Variants in ZNF541 observed in about 807,000 individuals in gnomAD.
The protein encoded by ZNF541 is zinc finger protein 541.
A neutral mutation model predicts 123.5 loss-of-function variants in ZNF541; 23 were observed. The observed-to-expected ratio is 0.19, with a 90% CI of 0.13 to 0.26. The LOEUF (loss-of-function observed/expected upper bound fraction) is 0.26, where lower values mean the gene tolerates loss of function less well. Among genes scored for constraint, ZNF541 ranks in the 10% least tolerant of loss-of-function variants. The pLI is 1.00. For missense variants in ZNF541, 1,612 were observed against 1,789.9 expected (o/e 0.90, Z 1.79); for synonymous variants, 751 against 754.5 (o/e 1.00, Z 0.08).
At chr19:47,531,598 C>A in intron 12 of ZNF541, 44 bp downstream of exon 12, 1 of 1,473,286 alleles carries the variant, frequency 6.8e-7, no homozygotes, top group South Asian at 1.3e-5. Context: ...ACCTAGAACC[C>A]TGGGCCCCAG....
chr19:47,551,169 A>G (rs895583843), intron 3 of ZNF541, among the ~76,000 whole-genome samples: 4 of 150,570 alleles, frequency 2.7e-5, no homozygotes, highest in Admixed American at 1.3e-4. Context: ...CCTCTGCAGT[A>G]GCTGGGACTA....
At chr19:47,558,342 G>A (rs1010917947) in intron 2 of ZNF541, among the ~76,000 whole-genome samples, 12 of 151,932 alleles carry the variant, frequency 7.9e-5, no homozygotes, top group African/African-American at 2.7e-4. Flanking sequence ...TATGAACCCA[G>A]GAGGCGGAGC....
At chr19:47,522,036 G>A (rs1258882122) in intron 14 of ZNF541, 42 bp from the exon 15 acceptor site, 1 of 1,548,834 alleles carries the variant, frequency 6.5e-7, no homozygotes, top group African/African-American at 1.4e-5. Flanking sequence ...TGCCACGCGG[G>A]CCCTGGGAGT....
rs577132750 is a variant in ZNF541, at chr19:47,561,231, T to C, written c.-98-5277A>G. Among the ~76,000 whole-genome samples, 15 of 152,254 alleles carry C rather than the reference T, an allele frequency of 9.9e-5. No individual in the cohort carries two copies. In the South Asian group the frequency reaches 3.1e-3, roughly 32 times the overall value. ...GCTCACACCTGTAATCCCAGCACTT[T>C]GGCCCAGGAGTTTGACAAAGTCAGA... On this transcript the variant is annotated intron_variant, in intron 2 of 16. Coordinates refer to ENST00000391901, the MANE Select transcript of ZNF541 (RefSeq NM_001277075.3).
chr19:47,573,192 C>A (rs868357665), upstream of ZNF541, among the ~76,000 whole-genome samples: 108 of 150,266 alleles, frequency 7.2e-4, no homozygotes, highest in African/African-American at 2.3e-3. Context: ...CCCGGCCCAC[C>A]CCCGGATCTC....
intron 8 of ZNF541, 62 bp from the exon 9 acceptor site, chr19:47,538,501 A>G: frequency 7.2e-7 from 1 of 1,398,532 alleles, no homozygotes; most frequent in South Asian, 1.5e-5. Context: ...CTCCATCTCC[A>G]GGATGGAAAG....
At position 47,545,927 on chromosome 19, in the gene ZNF541, T is replaced by A; in HGVS notation, c.602A>T (p.Gln201Leu). ...GTCGCAGTAGCTCTTGCTGCAGCCC[T>A]GCTCGATGCACACGAAGGGCTTTGT... Reference protein sequence around the residue: ...QKTKPFVCIEQGCSKSYCDYR... With the variant: ...QKTKPFVCIELGCSKSYCDYR... Residue 201 changes from glutamine to leucine, a missense_variant, in exon 5 of 17, where the codon CAG (glutamine) becomes CTG (leucine). Around this residue, in one of 5 missense-constraint regions of ZNF541, gnomAD observed 212 missense variants for 289.6 expected, o/e 0.73. Transcript: ENST00000391901. The surrounding 1 kb of genome is among the most constrained non-coding windows in gnomAD (Gnocchi z 7.5). 1.3e-6 allele frequency: 2 copies of A among 1,525,552 alleles called. No homozygotes were observed. Among genetic ancestry groups the A allele is most frequent in the Non-Finnish European group, 1.8e-6 (2 of 1,131,890 alleles). 94.5% of individuals were successfully genotyped at this position (1,525,552 alleles called of 1,614,324 possible). A position where few individuals can be genotyped will look rare whatever the true frequency, so the allele number is the denominator to read the frequency against.
chr19:47,523,592 G>A (rs974591066), intron 14 of ZNF541, among the ~76,000 whole-genome samples: 7 of 152,054 alleles, frequency 4.6e-5, no homozygotes, highest in African/African-American at 1.4e-4. Context: ...TTACCCTCTC[G>A]TCCAAAACAA....
intron 2 of ZNF541, among the ~76,000 whole-genome samples, chr19:47,561,469 T>C (rs866462401): frequency 2.6e-5 from 4 of 151,812 alleles, no homozygotes; most frequent in African/African-American, 4.8e-5. Context: ...ATTAAAAAAA[T>C]TAAAAAATCC....
chr19:47,548,495 T>C (rs1379300918), intron 4 of ZNF541, among the ~76,000 whole-genome samples: 6 of 151,472 alleles, frequency 4.0e-5, no homozygotes, highest in African/African-American at 1.5e-4. Context: ...TAATTCTCCA[T>C]TGCCATGTTC....
chr19:47,540,517 G>C (rs978628604), intron 6 of ZNF541, among the ~76,000 whole-genome samples, 182 bp from the exon 7 acceptor site: 4 of 150,346 alleles, frequency 2.7e-5, no homozygotes, highest in African/African-American at 9.8e-5. Flanking sequence ...TCGGCTCACT[G>C]TAACCTCCAC....
In ZNF541 at chr19:47,545,915, TTGC is replaced by T. The variant is rs1304650570; in HGVS notation, c.611_613del (p.Ser204del). On this transcript the variant is annotated inframe_deletion, in exon 5 of 17. Transcript: ENST00000391901. The surrounding 1 kb of genome is among the most constrained non-coding windows in gnomAD (Gnocchi z 7.5). Reference sequence around the variant, plus strand: ...CAGAGAGCGGTAGTCGCAGTAGCTCTTGCTGCAGCCCTGCTCGATGCACACGAA... The same window carrying T: ...CAGAGAGCGGTAGTCGCAGTAGCTCTTGCAGCCCTGCTCGATGCACACGAA... 1.3e-6 allele frequency: 2 copies of T among 1,542,102 alleles called. No individual in the cohort carries two copies. Among genetic ancestry groups the T allele is most frequent in the Non-Finnish European group, 1.8e-6 (2 of 1,141,804 alleles).
chr19:47,555,579 G>C lies in ZNF541; in HGVS notation c.278C>G (p.Ala93Gly). ...TAAGGATGCCTGAGACTCCGAATCT[G>C]CGTACTCCTCCAGCAGCTTCACAGA... ...SDSVKLLEEYADSESQASLQD... is the reference protein window; with the variant it reads ...SDSVKLLEEYGDSESQASLQD... Residue 93 changes from alanine to glycine, a missense_variant, in exon 3 of 17, where the codon GCA (alanine) becomes GGA (glycine). Physicochemically the swap from Ala to Gly is moderately conservative, Grantham distance 60. Around this residue, in one of 5 missense-constraint regions of ZNF541, gnomAD observed 212 missense variants for 289.6 expected, o/e 0.73. Transcript: ENST00000391901. 1.9e-6 allele frequency: 3 copies of C among 1,549,426 alleles called. No homozygotes were observed. The highest frequency in any genetic ancestry group is 2.6e-6 in the Non-Finnish European group (3 of 1,145,310).
At chr19:47,536,231 T>C (rs192842116) in intron 9 of ZNF541, among the ~76,000 whole-genome samples, 75 of 152,298 alleles carry the variant, frequency 4.9e-4, no homozygotes, top group Middle Eastern at 3.4e-3. Context: ...GTCATGGCCA[T>C]TATGAACATG....
intron 14 of ZNF541, among the ~76,000 whole-genome samples, chr19:47,528,380 C>T (rs1219523946): frequency 1.3e-5 from 2 of 149,884 alleles, no homozygotes; most frequent in East Asian, 4.1e-4. Context: ...TGCAGTGGCA[C>T]AATCCCCACT....
At chr19:47,540,678 G>T (rs1599992104) in intron 6 of ZNF541, among the ~76,000 whole-genome samples, 1 of 152,174 alleles carries the variant, frequency 6.6e-6, no homozygotes, top group Admixed American at 6.5e-5. Flanking sequence ...GACCTCAAAT[G>T]ATCCCCCTGC....
At chr19:47,531,589 C>A in intron 12 of ZNF541, 53 bp downstream of exon 12, 1 of 1,427,754 alleles carries the variant, frequency 7.0e-7, no homozygotes, top group Non-Finnish European at 9.5e-7. Flanking sequence ...GTCACATGCA[C>A]CTAGAACCCT....
chr19:47,558,154 C>T (rs1668796182), intron 2 of ZNF541, among the ~76,000 whole-genome samples: 1 of 152,180 alleles, frequency 6.6e-6, no homozygotes. Flanking sequence ...TGGTGGCTTA[C>T]GCCTGTAATC....
rs1029812975 is a variant in ZNF541, at chr19:47,521,857, T to A, written c.3708A>T (p.Glu1236Asp). The change falls in exon 15 of 17, where the codon GAA becomes GAT. Residue 1236 changes from glutamate (E) to aspartate (D), a missense_variant. Around this residue, in one of 5 missense-constraint regions of ZNF541, gnomAD observed 285 missense variants for 407.3 expected, o/e 0.70. Coordinates refer to ENST00000391901, the MANE Select transcript of ZNF541 (RefSeq NM_001277075.3). This position sits in a 1 kb window ranked among gnomAD's most constrained non-coding sequence, Gnocchi z 4.2. Reference sequence around the variant, plus strand: ...GACACAGCCCTGGTTCCTCTACCTTTTCCTCTGTCCTTTCCACTTCCTCCG... The same window carrying A: ...GACACAGCCCTGGTTCCTCTACCTTATCCTCTGTCCTTTCCACTTCCTCCG... ...REPEEVERTE[E>D]KVPCSPRERP... 6.4e-7 allele frequency: 1 copy of A among 1,551,560 alleles called. No homozygotes were observed. Among genetic ancestry groups the A allele is most frequent in the African/African-American group, 1.4e-5 (1 of 73,140 alleles).
Sources: allele counts gnomAD v4.1 joint callset (sites outside exome capture counted in the v4.1 genomes callset), GRCh38; gene constraint gnomAD v4.1.1; regional missense constraint gnomAD v4.1.1; non-coding constraint Gnocchi (gnomAD v3.1); transcripts MANE v1.5; gene names NCBI Gene and HGNC (gene_info 2026-07-23, HGNC 2026-07-21).